TNXB: variants seen among roughly 807,000 people sequenced by gnomAD.
TNXB encodes the protein tenascin-X.
Under a neutral mutation model 340.5 loss-of-function variants are expected in TNXB, and 183 were observed. The observed-to-expected ratio is 0.54, with a 90% CI of 0.48 to 0.61. TNXB has a LOEUF of 0.61. TNXB is among the 20% of genes least tolerant of loss of function. The pLI is 0.00. For missense variants in TNXB, 4,613 were observed against 5,446.4 expected (o/e 0.85, Z 4.82); for synonymous variants, 2,121 against 2,314.5 (o/e 0.92, Z 2.40).
intron 4 of TNXB, among the ~76,000 whole-genome samples, chr6:32,094,522 C>T (rs1476990113): frequency 6.6e-6 from 1 of 152,146 alleles, no homozygotes; most frequent in Non-Finnish European, 1.5e-5. Context: ...AGTCAGTGGG[C>T]CCCTCTCTGT....
In TNXB at chr6:32,108,455, C is replaced by A. The variant is rs1781083919; in HGVS notation, c.-9+726G>T. On this transcript the variant is annotated intron_variant, in intron 1 of 43. Coordinates refer to ENST00000644971, the MANE Select transcript of TNXB (RefSeq NM_001365276.2). This position sits in a 1 kb window ranked among gnomAD's most constrained non-coding sequence, Gnocchi z 4.8. ...AGAGTGAAGACGGAGCCCCTGTGCC[C>A]CCAGAGGCATCTCTCAGCCATCCCA... Among the ~76,000 whole-genome samples the A allele has an allele frequency of 1.3e-5, 2 of 152,176 alleles. No homozygotes were observed. The highest frequency in any genetic ancestry group is 6.5e-5 in the Admixed American group (1 of 15,292).
chr6:32,103,218 C>CA (rs1780811123), intron 1 of TNXB, among the ~76,000 whole-genome samples: 1 of 151,540 alleles, frequency 6.6e-6, no homozygotes, highest in African/African-American at 2.4e-5. Flanking sequence ...GTCAGGAGTT[C>CA]AAAACCAGCC....
rs773472076 is a variant in TNXB at position 32,069,566 on chromosome 6, G to C, written c.5574C>G (p.Ala1858=). ...CCGCACACTCACCAGTAATGGCGAC[G>C]GCCGAGATGGGGCCCACACGCTTGC... ...HHGKRVGPIS[A]VAITAGREET... is the part of the protein sequence containing the mutation. The change falls in exon 15 of 44, where the codon GCC becomes GCG. Residue 1858 remains alanine (A), a synonymous_variant. Transcript: ENST00000644971. The surrounding 1 kb of genome is among the most constrained non-coding windows in gnomAD (Gnocchi z 6.2). The C allele has an allele frequency of 6.4e-7, 1 of 1,572,866 alleles. No homozygotes were observed. The highest frequency in any genetic ancestry group is 8.7e-7 in the Non-Finnish European group (1 of 1,155,846).
chr6:32,047,352 C>T lies in TNXB; in HGVS notation c.10324+382G>A, dbSNP rs867304147. ...TCCCTTTTCTTCCACCCCTCGGCTC[C>T]GAGTCAGGGAGGAGGGAGGAGGATG... On this transcript the variant is annotated intron_variant, in intron 30 of 43. Coordinates refer to ENST00000644971, the MANE Select transcript of TNXB (RefSeq NM_001365276.2). The surrounding 1 kb of genome is among the most constrained non-coding windows in gnomAD (Gnocchi z 6.2). Among the ~76,000 whole-genome samples the T allele has an allele frequency of 2.6e-5, 4 of 152,270 alleles. No homozygotes were observed. The highest frequency in any genetic ancestry group is 4.4e-5 in the Non-Finnish European group (3 of 68,018).
At position 32,079,055 on chromosome 6, in the gene TNXB, C is replaced by A. The variant is rs61998180; in HGVS notation, c.4353G>T (p.Pro1451=). 6.2e-7 allele frequency: 1 copy of A among 1,612,592 alleles called. No individual in the cohort carries two copies. Among genetic ancestry groups the A allele is most frequent in the Admixed American group, 1.7e-5 (1 of 59,940 alleles). Residue 1451 remains proline, a synonymous_variant, in exon 11 of 44, where the codon CCG becomes CCT. Coordinates refer to ENST00000644971, the MANE Select transcript of TNXB (RefSeq NM_001365276.2). This position sits in a 1 kb window ranked among gnomAD's most constrained non-coding sequence, Gnocchi z 7.1. ...YGLHEGQRVG[P]VSAVGVTAPQ... ...CACCTGTCACGCCCACGGCGGACAC[C>A]GGGCCCACGCGCTGCCCCTCGTGGA...
rs1778202302 is a variant in TNXB at position 32,064,357 on chromosome 6, CAT to C, written c.6841+462_6841+463del. On this transcript the variant is annotated intron_variant, in intron 19 of 43. Coordinates refer to ENST00000644971, the MANE Select transcript of TNXB (RefSeq NM_001365276.2). This position sits in a 1 kb window ranked among gnomAD's most constrained non-coding sequence, Gnocchi z 5.3. ...CCTCCCGAGTAGCTGGGACTACAGG[CAT>C]GTGCCACCACACCCAGCTAATTTTT... is the stretch of plus-strand genomic sequence containing the variant. Among the ~76,000 whole-genome samples the C allele has an allele frequency of 6.6e-6, 1 of 152,164 alleles. No homozygotes were observed. The highest frequency in any genetic ancestry group is 1.5e-5 in the Non-Finnish European group (1 of 68,036).
rs1200401672 is a variant in TNXB at position 32,067,737 on chromosome 6, C to T, written c.6468G>A (p.Gly2156=). 1.9e-6 allele frequency: 3 copies of T among 1,613,666 alleles called. No homozygotes were observed. Among genetic ancestry groups the T allele is most frequent in the East Asian group, 2.2e-5 (1 of 44,884 alleles). ...CGTACAGGTGCATCTTGTACTTGCGCCCAGGCTCCAGGCCCCCCACGGTGA... is the reference window on the plus strand; with the variant it reads ...CGTACAGGTGCATCTTGTACTTGCGTCCAGGCTCCAGGCCCCCCACGGTGA... The part of the protein sequence containing the change: ...SEVTVGGLEP[G]RKYKMHLYGL... Residue 2156 remains glycine (G), a synonymous_variant, in exon 18 of 44, where the codon GGG becomes GGA. Coordinates refer to ENST00000644971, the MANE Select transcript of TNXB (RefSeq NM_001365276.2). The surrounding 1 kb of genome is among the most constrained non-coding windows in gnomAD (Gnocchi z 4.2).
chr6:32,060,332 C>CA lies in TNXB; in HGVS notation c.7492+1064dup, dbSNP rs9279480. ...GGGCGACAAGAGCGAAACTTCATCT[C>CA]AAAAAAAAAAAAGAAGGAAATAAAT... On this transcript the variant is annotated intron_variant, in intron 21 of 43. Transcript: ENST00000644971. Among the ~76,000 whole-genome samples the CA allele has an allele frequency of 5.6e-3, 720 of 129,242 alleles. 13 individuals carry two copies. The East Asian group carries it at 0.061, about 11-fold the overall frequency. The allele number at this position is 129,242 out of a possible 152,430, so 84.8% of individuals were successfully genotyped here. A position where few individuals can be genotyped will look rare whatever the true frequency, so the allele number is the denominator to read the frequency against.
chr6:32,097,272 T>A lies in TNXB; in HGVS notation c.581A>T (p.Gln194Leu). 6.2e-7 allele frequency: 1 copy of A among 1,612,990 alleles called. No individual in the cohort carries two copies. The highest frequency in any genetic ancestry group is 8.5e-7 in the Non-Finnish European group (1 of 1,179,542). ...GCAACGACCACGGACACAGCGACCC[T>A]GATCATTGCAGTCATCTGGGCAGGA... ...SGSCPDDCND[Q>L]GRCVRGRCVC... Residue 194 changes from glutamine (Q) to leucine (L), a missense_variant, in exon 3 of 44, where the codon CAG (glutamine) becomes CTG (leucine). Around this residue, in one of 7 missense-constraint regions of TNXB, gnomAD observed 4,327 missense variants for 4,859.4 expected, o/e 0.89. Transcript: ENST00000644971. This position sits in a 1 kb window ranked among gnomAD's most constrained non-coding sequence, Gnocchi z 5.9.
At position 32,070,654 on chromosome 6, in the gene TNXB, A is replaced by T. The variant is rs533922428; in HGVS notation, c.4991-240T>A. Among the ~76,000 whole-genome samples the T allele has an allele frequency of 6.6e-6, 1 of 152,012 alleles. No individual in the cohort carries two copies. Among genetic ancestry groups the T allele is most frequent in the Non-Finnish European group, 1.5e-5 (1 of 67,980 alleles). ...AAGAGATTCCCTAGCTCCCTGCCTC[A>T]TCTTACTCCCCTTTCTGTCCAGCCT... On this transcript the variant is annotated intron_variant, in intron 13 of 43. Transcript: ENST00000644971. This position sits in a 1 kb window ranked among gnomAD's most constrained non-coding sequence, Gnocchi z 6.0.
At position 32,069,773 on chromosome 6, in the gene TNXB, C is replaced by G. The variant is rs1461651536; in HGVS notation, c.5367G>C (p.Gln1789His). 6.2e-7 allele frequency: 1 copy of G among 1,610,890 alleles called. No individual in the cohort carries two copies. Among genetic ancestry groups the G allele is most frequent in the Non-Finnish European group, 8.5e-7 (1 of 1,178,616 alleles). The part of the protein sequence containing the change: ...GEELQVTTVT[Q>H]NSVGLSWTVP... Reference sequence around the variant, plus strand: ...CTGTCCAGGAGAGGCCCACGGAGTTCTGGGTCACGGTGGTCACCTGCAGCT... The same window carrying G: ...CTGTCCAGGAGAGGCCCACGGAGTTGTGGGTCACGGTGGTCACCTGCAGCT... Residue 1789 changes from glutamine (Q) to histidine (H), a missense_variant, in exon 15 of 44, where the codon CAG (glutamine) becomes CAC (histidine). Physicochemically the swap from Gln to His is conservative, Grantham distance 24 (BLOSUM62 0). Around this residue, in one of 7 missense-constraint regions of TNXB, gnomAD observed 4,327 missense variants for 4,859.4 expected, o/e 0.89. Transcript: ENST00000644971. This position sits in a 1 kb window ranked among gnomAD's most constrained non-coding sequence, Gnocchi z 6.2.
chr6:32,095,435 A>T, intron 3 of TNXB, 176 bp downstream of exon 3: 3 of 788,746 alleles, frequency 3.8e-6, no homozygotes, highest in Non-Finnish European at 5.9e-6. Flanking sequence ...AGAGATCTGA[A>T]GGCCAGTCCT....
intron 1 of TNXB, 24 bp downstream of exon 1, chr6:32,109,157 T>TCTCC (rs1273527850): frequency 6.6e-6 from 1 of 152,294 alleles, no homozygotes; most frequent in African/African-American, 2.4e-5. Flanking sequence ...TCCTTCTGGG[T>TCTCC]CTCCCCAGAA....
Position 32,084,733 on chromosome 6 carries a change from AAGCATAGTGG to A in TNXB, c.3149-34_3149-25del. 1 of 1,533,016 alleles carries A rather than the reference AAGCATAGTGG, an allele frequency of 6.5e-7. No homozygotes were observed. The highest frequency in any genetic ancestry group is 2.3e-5 in the East Asian group (1 of 43,598). 95.0% of individuals were successfully genotyped at this position (1,533,016 alleles called of 1,614,324 possible). A position where few individuals can be genotyped will look rare whatever the true frequency, so the allele number is the denominator to read the frequency against. On this transcript the variant is annotated intron_variant, in intron 7 of 43. Transcript: ENST00000644971. The surrounding 1 kb of genome is among the most constrained non-coding windows in gnomAD (Gnocchi z 5.5). ...GTCTGGAGTTTGAGAGGCAAAAGCA[AAGCATAGTGG>A]ACTCAACCGTTCTCTTGTCTGTGTC... is the stretch of plus-strand genomic sequence containing the variant.
rs1286852363 is a variant in TNXB, at chr6:32,075,600, T to C, written c.4376-1648A>G. On this transcript the variant is annotated intron_variant, in intron 11 of 43. Transcript: ENST00000644971. This position sits in a 1 kb window ranked among gnomAD's most constrained non-coding sequence, Gnocchi z 4.6. ...TCATCACTGTCACATCCGGTGCCAC[T>C]GACATATTTGTGCAATTTGTTGCCT... 1.3e-5 allele frequency among the ~76,000 whole-genome samples: 2 copies of C among 152,234 alleles called. No homozygotes were observed. Among genetic ancestry groups the C allele is most frequent in the Non-Finnish European group, 2.9e-5 (2 of 68,044 alleles).
At chr6:32,088,641 A>AAGG (rs1404677328) in intron 6 of TNXB, 144 bp downstream of exon 6, 50 of 1,203,244 alleles carry the variant, frequency 4.2e-5, no homozygotes, top group Non-Finnish European at 3.4e-6. Flanking sequence ...AGGACAGAGC[A>AAGG]AGGCCCCCAG....
chr6:32,064,009 G>C lies in TNXB; in HGVS notation c.6841+812C>G, dbSNP rs1348454005. Among the ~76,000 whole-genome samples the C allele has an allele frequency of 6.6e-6, 1 of 152,154 alleles. No individual in the cohort carries two copies. The highest frequency in any genetic ancestry group is 1.5e-5 in the Non-Finnish European group (1 of 68,028). On this transcript the variant is annotated intron_variant, in intron 19 of 43. Coordinates refer to ENST00000644971, the MANE Select transcript of TNXB (RefSeq NM_001365276.2). This position sits in a 1 kb window ranked among gnomAD's most constrained non-coding sequence, Gnocchi z 5.3. ...GAGAACACATACAATTTTTCCCACT[G>C]AAATCAGTGATAATTATGAGAATTT... is the stretch of plus-strand genomic sequence containing the variant.
chr6:32,041,948 A>T lies in TNXB; in HGVS notation c.12470-14T>A, dbSNP rs1170709239. 3.4e-6 allele frequency: 2 copies of T among 596,380 alleles called. No homozygotes were observed. The highest frequency in any genetic ancestry group is 5.4e-5 in the African/African-American group (2 of 37,064). 36.9% of individuals were successfully genotyped at this position (596,380 alleles called of 1,614,324 possible). Reference sequence around the variant, plus strand: ...TCATGGAGTCCCCTGGGCAGGGTGGAGGAAGGAGCCATGAGGGCCTCCCCT... The same window carrying T: ...TCATGGAGTCCCCTGGGCAGGGTGGTGGAAGGAGCCATGAGGGCCTCCCCT... On this transcript the variant is annotated splice_polypyrimidine_tract_variant and intron_variant, in intron 42 of 43. Transcript: ENST00000644971.
rs768607699 is a variant in TNXB, at chr6:32,048,021, GACA to G, written c.10046-12_10046-10del. The G allele has an allele frequency of 6.2e-7, 1 of 1,605,268 alleles. No individual in the cohort carries two copies. Among genetic ancestry groups the G allele is most frequent in the Non-Finnish European group, 8.5e-7 (1 of 1,175,326 alleles). ...CGGTTTGGTGTCTGGGGCTGGAAAA[GACA>G]GTGAGGTGCATGGAGAGTGGGATGG... On this transcript the variant is annotated splice_polypyrimidine_tract_variant and intron_variant, in intron 29 of 43. Coordinates refer to ENST00000644971, the MANE Select transcript of TNXB (RefSeq NM_001365276.2).
Sources: allele counts gnomAD v4.1 joint callset (sites outside exome capture counted in the v4.1 genomes callset), GRCh38; gene constraint gnomAD v4.1.1; regional missense constraint gnomAD v4.1.1; non-coding constraint Gnocchi (gnomAD v3.1); transcripts MANE v1.5; gene names NCBI Gene and HGNC (gene_info 2026-07-23, HGNC 2026-07-21).